The following TAOK3 variants were observed in gnomAD, a reference collection of about 807,000 sequenced individuals.
TAOK3 encodes the protein serine/threonine-protein kinase TAO3.
In TAOK3, 40 loss-of-function variants were observed where a neutral mutation model predicts 120.4. The ratio of observed to expected loss-of-function variants is 0.33; its 90% confidence interval spans 0.26 to 0.43. The LOEUF (loss-of-function observed/expected upper bound fraction) is 0.43, where lower values mean the gene tolerates loss of function less well. TAOK3 is among the 20% of genes least tolerant of loss of function. The pLI is 1.00. For missense variants in TAOK3, 821 were observed against 1,112.1 expected (o/e 0.74, Z 3.72); for synonymous variants, 355 against 387.5 (o/e 0.92, Z 0.99).
At chr12:118,191,271 G>A (rs2037416063) in intron 13 of TAOK3, among the ~76,000 whole-genome samples, 1 of 151,954 alleles carries the variant, frequency 6.6e-6, no homozygotes, top group Non-Finnish European at 1.5e-5. Flanking sequence ...TTGATGTATT[G>A]GGAAGGTATC....
intron 3 of TAOK3, among the ~76,000 whole-genome samples, chr12:118,250,737 G>A (rs1039260587): frequency 6.6e-6 from 1 of 152,112 alleles, no homozygotes; most frequent in Non-Finnish European, 1.5e-5. Context: ...AAGACAAAAT[G>A]TAAAACTGCA....
intron 3 of TAOK3, among the ~76,000 whole-genome samples, chr12:118,253,676 G>T (rs1002995184): frequency 1.3e-5 from 2 of 151,404 alleles, no homozygotes; most frequent in Non-Finnish European, 2.9e-5. Context: ...GGTGGAGGTT[G>T]TAGTGAGCCG....
chr12:118,324,912 T>C (rs1406097698), intron 1 of TAOK3, among the ~76,000 whole-genome samples: 1 of 150,384 alleles, frequency 6.6e-6, no homozygotes, highest in Non-Finnish European at 1.5e-5. Context: ...GCCCAGCTAA[T>C]TTTTTTTGTA....
intron 1 of TAOK3, among the ~76,000 whole-genome samples, chr12:118,312,909 A>G (rs940139299): frequency 1.3e-5 from 2 of 152,218 alleles, no homozygotes; most frequent in African/African-American, 2.4e-5. Flanking sequence ...TTGGGGAAAC[A>G]TAACAGATGT....
intron 1 of TAOK3, among the ~76,000 whole-genome samples, chr12:118,362,972 T>C (rs2045642212): frequency 7.7e-6 from 1 of 129,798 alleles, no homozygotes; most frequent in African/African-American, 3.0e-5. Context: ...TGAGCCAGGA[T>C]TGCACCACTG....
intron 1 of TAOK3, among the ~76,000 whole-genome samples, chr12:118,368,111 A>G (rs978453962): frequency 2.0e-5 from 3 of 152,250 alleles, no homozygotes; most frequent in African/African-American, 7.2e-5. Flanking sequence ...GACTGAAAAC[A>G]GTTTGAGAAC....
intron 17 of TAOK3, among the ~76,000 whole-genome samples, chr12:118,168,594 A>G (rs539530376): frequency 2.3e-4 from 35 of 152,308 alleles, no homozygotes; most frequent in Non-Finnish European, 4.6e-4. Flanking sequence ...TAAATAAAAA[A>G]GCTTTGAACA....
rs1177125022 is a variant in TAOK3 at position 118,182,515 on chromosome 12, C to T, written c.1330-908G>A. ...CAATGAAAAGTATCTCCAGATATTG[C>T]CAAATGTTCCCTTGGGAACAAAATT... On this transcript the variant is annotated intron_variant, in intron 14 of 20. Coordinates refer to ENST00000392533, the MANE Select transcript of TAOK3 (RefSeq NM_016281.4). 6.0e-5 allele frequency among the ~76,000 whole-genome samples: 9 copies of T among 149,668 alleles called. No individual in the cohort carries two copies. In the East Asian group the frequency reaches 1.4e-3, roughly 23 times the overall value.
At chr12:118,341,722 A>G (rs2044628357) in intron 1 of TAOK3, among the ~76,000 whole-genome samples, 1 of 152,216 alleles carries the variant, frequency 6.6e-6, no homozygotes, top group East Asian at 1.9e-4. Flanking sequence ...ACCATGCTAA[A>G]AAAACCCTTC....
chr12:118,282,424 T>C (rs1052288708), intron 1 of TAOK3, among the ~76,000 whole-genome samples: 11 of 152,200 alleles, frequency 7.2e-5, no homozygotes, highest in African/African-American at 2.7e-4. Context: ...CTTTTGGCAT[T>C]GGTAGTTCCC....
At chr12:118,237,800 A>G (rs1353815390) in intron 7 of TAOK3, among the ~76,000 whole-genome samples, 6 of 152,124 alleles carry the variant, frequency 3.9e-5, no homozygotes, top group Non-Finnish European at 8.8e-5. Context: ...GTATCTAAAG[A>G]TTGGTGGGCC....
chr12:118,203,670 C>T (rs1413279163), intron 11 of TAOK3, among the ~76,000 whole-genome samples: 5 of 148,274 alleles, frequency 3.4e-5, no homozygotes, highest in African/African-American at 1.3e-4. Context: ...CACCATTGCA[C>T]TCCAGCCTGG....
rs1323867363 is a variant in TAOK3 at position 118,371,376 on chromosome 12, C to A, written c.-194+1272G>T. On this transcript the variant is annotated intron_variant, in intron 1 of 20. Transcript: ENST00000392533. The surrounding 1 kb of genome is among the most constrained non-coding windows in gnomAD (Gnocchi z 5.5). ...CACATCAGACTCTAAGGAACGAATG[C>A]GAAGCCAGCGGGCCAGTGAGAAGAG... Among the ~76,000 whole-genome samples the A allele has an allele frequency of 1.3e-5, 2 of 152,092 alleles. No homozygotes were observed. The highest frequency in any genetic ancestry group is 4.8e-5 in the African/African-American group (2 of 41,410).
At chr12:118,176,807 C>T (rs540702662) in intron 16 of TAOK3, among the ~76,000 whole-genome samples, 6 of 151,884 alleles carry the variant, frequency 4.0e-5, no homozygotes, top group Admixed American at 3.9e-4. Flanking sequence ...GCTCTTGTCG[C>T]CCAGACTGGA....
At chr12:118,176,320 G>T (rs1449154451) in intron 16 of TAOK3, among the ~76,000 whole-genome samples, 4 of 152,152 alleles carry the variant, frequency 2.6e-5, no homozygotes, top group African/African-American at 9.7e-5. Context: ...ATGGTGGCTG[G>T]TGCAGCGAAG....
chr12:118,204,322 G>A (rs553705663), intron 11 of TAOK3, among the ~76,000 whole-genome samples: 65 of 151,914 alleles, frequency 4.3e-4, no homozygotes, highest in African/African-American at 1.5e-3. Flanking sequence ...ATTTACTTAT[G>A]TAAAATTGTA....
At chr12:118,159,816 T>G in intron 19 of TAOK3, 7 of 341,268 alleles carry the variant, frequency 2.1e-5, no homozygotes, top group East Asian at 7.2e-5. Context: ...TTGTGCCTGA[T>G]ATTAGTTGCG....
In TAOK3 at chr12:118,301,349, A is replaced by G. The variant is rs570649469; in HGVS notation, c.-193-34590T>C. 1.1e-4 allele frequency among the ~76,000 whole-genome samples: 17 copies of G among 152,328 alleles called. No homozygotes were observed. The East Asian group carries it at 2.9e-3, about 26-fold the overall frequency. On this transcript the variant is annotated intron_variant, in intron 1 of 20. Coordinates refer to ENST00000392533, the MANE Select transcript of TAOK3 (RefSeq NM_016281.4). ...AAAACCAAAAACTCTAGCACTTAGC[A>G]CAGTTCCTGGTATACAGGGAACTTG...
intron 19 of TAOK3, among the ~76,000 whole-genome samples, chr12:118,158,136 C>T (rs549462829): frequency 1.3e-5 from 2 of 152,298 alleles, no homozygotes; most frequent in Admixed American, 1.3e-4. Flanking sequence ...TTAGAAACTC[C>T]TGCTCTGGCT....
Sources: allele counts gnomAD v4.1 joint callset (sites outside exome capture counted in the v4.1 genomes callset), GRCh38; gene constraint gnomAD v4.1.1; non-coding constraint Gnocchi (gnomAD v3.1); transcripts MANE v1.5; gene names NCBI Gene and HGNC (gene_info 2026-07-23, HGNC 2026-07-21).